The following FBXL4 variants were observed in gnomAD, a reference collection of about 807,000 sequenced individuals.
FBXL4 encodes F-box and leucine rich repeat protein 4, also known as F-box/LRR-repeat protein 4.
Under a neutral mutation model 58.9 loss-of-function variants are expected in FBXL4, and 40 were observed. The ratio of observed to expected loss-of-function variants is 0.68; its 90% confidence interval spans 0.53 to 0.88. The LOEUF (loss-of-function observed/expected upper bound fraction) is 0.88. FBXL4 is among the 40% of genes least tolerant of loss of function. The pLI, the probability that FBXL4 is intolerant of heterozygous loss-of-function variation, is 0.00. For synonymous variants in FBXL4, 263 were observed against 265.5 expected, an observed-to-expected ratio of 0.99 and a Z score of 0.09; for missense variants, 676 against 734.4, an observed-to-expected ratio of 0.92 and a Z score of 0.92.
chr6:98,934,224 C>G (rs1045596328), intron 2 of FBXL4, among the ~76,000 whole-genome samples: 1 of 151,978 alleles, frequency 6.6e-6, no homozygotes, highest in African/African-American at 2.4e-5. Flanking sequence ...TAAAACAGTA[C>G]GTTGATTATG....
At chr6:98,942,842 G>A (rs949582807) in intron 1 of FBXL4, among the ~76,000 whole-genome samples, 6 of 151,808 alleles carry the variant, frequency 4.0e-5, no homozygotes, top group Non-Finnish European at 7.4e-5. Context: ...GAAGAATGAG[G>A]GCAAAAAAGA....
chr6:98,916,414 A>C (rs1310402401), intron 5 of FBXL4, among the ~76,000 whole-genome samples: 1 of 152,168 alleles, frequency 6.6e-6, no homozygotes, highest in Non-Finnish European at 1.5e-5. Context: ...CTTGGAACCA[A>C]CCCAAATGTC....
chr6:98,886,497 T>C (rs2128382577), intron 7 of FBXL4, among the ~76,000 whole-genome samples: 1 of 152,356 alleles, frequency 6.6e-6, no homozygotes, highest in South Asian at 2.1e-4. Context: ...TCAGTTTTTT[T>C]CACAACTATG....
Position 98,917,702 on chromosome 6 carries a change from G to T in FBXL4, c.530C>A (p.Ser177Ter). 6.3e-7 allele frequency: 1 copy of T among 1,598,184 alleles called. No homozygotes were observed. The highest frequency in any genetic ancestry group is 8.5e-7 in the Non-Finnish European group (1 of 1,173,938). Residue 177 changes from serine (S) to a stop codon, truncating the protein, a stop_gained, in exon 5 of 10, where the codon TCA becomes TAA. Coordinates refer to ENST00000369244, the MANE Select transcript of FBXL4 (RefSeq NM_001278716.2). LOFTEE classifies it high-confidence loss of function. ...AGCATTCACCTTCGTAGGTCTCTCT[G>T]ACCAAAGAATCTCCCATCTGCCAAA... ...PAEVRWEILWSERPTKVNASQ... is the reference protein window; with the variant it reads ...PAEVRWEILW
chr6:98,883,710 T>C (rs888652108), intron 7 of FBXL4, among the ~76,000 whole-genome samples: 3 of 151,850 alleles, frequency 2.0e-5, no homozygotes, highest in African/African-American at 7.3e-5. Context: ...AAGGTTTCCA[T>C]ATACGCATGA....
intron 7 of FBXL4, among the ~76,000 whole-genome samples, chr6:98,884,140 G>C (rs1770949751): frequency 6.6e-6 from 1 of 151,672 alleles, no homozygotes; most frequent in Admixed American, 6.6e-5. Context: ...AACATTTATT[G>C]AGTACTTATT....
At chr6:98,889,544 G>A (rs964552592) in intron 7 of FBXL4, among the ~76,000 whole-genome samples, 1 of 152,066 alleles carries the variant, frequency 6.6e-6, no homozygotes, top group African/African-American at 2.4e-5. Context: ...AGCTTGGCAC[G>A]GTGGTGCATG....
chr6:98,938,718 T>A (rs774141874), intron 1 of FBXL4, among the ~76,000 whole-genome samples: 1 of 152,124 alleles, frequency 6.6e-6, no homozygotes, highest in African/African-American at 2.4e-5. Context: ...GGTGCTTGCT[T>A]TACTTCTTTA....
intron 1 of FBXL4, among the ~76,000 whole-genome samples, chr6:98,946,918 G>A (rs1773641535): frequency 6.6e-6 from 1 of 152,148 alleles, no homozygotes; most frequent in African/African-American, 2.4e-5. Context: ...GGCAGGAAGT[G>A]AGCCTGAAAG....
intron 8 of FBXL4, among the ~76,000 whole-genome samples, chr6:98,880,074 A>C (rs1026460956): frequency 9.2e-5 from 14 of 152,266 alleles, no homozygotes; most frequent in African/African-American, 3.1e-4. Context: ...ATAGGGTGTT[A>C]ATCTTTCTGT....
chr6:98,926,669 C>T lies in FBXL4; in HGVS notation c.320G>A (p.Cys107Tyr). ...FRTYGTWWDQ[C>Y]PSASLPFKRT... ...CTTGAATGGCAAGGAAGCACTAGGA[C>T]ACTGATCCCACCATGTCCCATAAGT... is the stretch of plus-strand genomic sequence containing the variant. Residue 107 changes from cysteine (C) to tyrosine (Y), a missense_variant, in exon 4 of 10, where the codon TGT (cysteine) becomes TAT (tyrosine). Transcript: ENST00000369244. 1 of 1,614,158 alleles carries T rather than the reference C, an allele frequency of 6.2e-7. No individual in the cohort carries two copies. The highest frequency in any genetic ancestry group is 8.5e-7 in the Non-Finnish European group (1 of 1,180,036).
At chr6:98,902,966 C>T (rs1317532783) in intron 6 of FBXL4, among the ~76,000 whole-genome samples, 1 of 152,040 alleles carries the variant, frequency 6.6e-6, no homozygotes, top group African/African-American at 2.4e-5. Context: ...CTCCACTATT[C>T]TGAATAATAA....
chr6:98,900,960 T>C (rs747967112), intron 6 of FBXL4, among the ~76,000 whole-genome samples: 12 of 152,164 alleles, frequency 7.9e-5, no homozygotes, highest in Non-Finnish European at 1.3e-4. Flanking sequence ...AACTGCAGTC[T>C]ACATGAAGCA....
At chr6:98,885,926 A>T (rs992326228) in intron 7 of FBXL4, among the ~76,000 whole-genome samples, 7 of 152,164 alleles carry the variant, frequency 4.6e-5, no homozygotes, top group Admixed American at 3.9e-4. Context: ...TCATGAGGAC[A>T]CTCAGGCAGC....
chr6:98,897,597 G>A (rs1455506584), intron 7 of FBXL4, among the ~76,000 whole-genome samples: 1 of 152,148 alleles, frequency 6.6e-6, no homozygotes, highest in African/African-American at 2.4e-5. Flanking sequence ...ATACCTGAGG[G>A]TGGGTAGCTG....
chr6:98,933,355 A>C (rs1396938898), intron 2 of FBXL4, among the ~76,000 whole-genome samples: 1 of 152,168 alleles, frequency 6.6e-6, no homozygotes, highest in Non-Finnish European at 1.5e-5. Flanking sequence ...ATGATATACA[A>C]GAACATTCTA....
chr6:98,894,493 T>G (rs1446339178), intron 7 of FBXL4, among the ~76,000 whole-genome samples: 1 of 152,114 alleles, frequency 6.6e-6, no homozygotes, highest in Non-Finnish European at 1.5e-5. Flanking sequence ...ATTTCACTAG[T>G]AATTCTGGGA....
At chr6:98,894,757 G>GTGAATT (rs1771355358) in intron 7 of FBXL4, among the ~76,000 whole-genome samples, 1 of 152,172 alleles carries the variant, frequency 6.6e-6, no homozygotes, top group Admixed American at 6.5e-5. Flanking sequence ...AGCTTAGTTA[G>GTGAATT]TGAATTTTCT....
At chr6:98,946,289 G>A (rs1773617314) in intron 1 of FBXL4, among the ~76,000 whole-genome samples, 1 of 152,106 alleles carries the variant, frequency 6.6e-6, no homozygotes, top group Admixed American at 6.6e-5. Flanking sequence ...AATGATGATG[G>A]AGTCACTAAC....
Sources: gnomAD v4.1 joint callset for allele counts (sites outside exome capture counted in the v4.1 genomes callset) on GRCh38, gnomAD v4.1.1 for gene constraint, MANE v1.5 for transcripts, NCBI Gene and HGNC (gene_info 2026-07-23, HGNC 2026-07-21) for gene names.